The following SLC12A5 variants were observed in gnomAD, a reference collection of about 807,000 sequenced individuals.
SLC12A5 encodes K-Cl cotransporter 2.
Under a neutral mutation model 124.0 loss-of-function variants are expected in SLC12A5, and 18 were observed. That is an observed-to-expected ratio of 0.15 (90% CI 0.10 to 0.22). The LOEUF (loss-of-function observed/expected upper bound fraction) is 0.22, where lower values mean the gene tolerates loss of function less well. Among genes scored for constraint, SLC12A5 ranks in the 10% least tolerant of loss-of-function variants. SLC12A5 has a pLI of 1.00. For missense variants in SLC12A5, 867 were observed against 1,478.7 expected (o/e 0.59, Z 6.78); for synonymous variants, 589 against 568.0 (o/e 1.04, Z -0.53).
intron 1 of SLC12A5, among the ~76,000 whole-genome samples, chr20:46,031,870 T>G (rs2145478117): frequency 6.6e-6 from 1 of 152,294 alleles, no homozygotes; most frequent in South Asian, 2.1e-4. Flanking sequence ...CCCTTACTCC[T>G]TGGCTCCGGG....
upstream of SLC12A5, chr20:46,021,747 C>A (rs533037317): frequency 4.5e-4 from 689 of 1,534,386 alleles, 4 homozygotes; most frequent in South Asian, 7.7e-3. Context: ...GCCGCGGCCG[C>A]CTGGCTCCTT....
In SLC12A5 at chr20:46,040,564, G is replaced by T; in HGVS notation, c.804G>T (p.Leu268=). Reference sequence around the variant, plus strand: ...TGGGTTGTGTCATCCTCTCCATCCTGGCCATCTATGCTGGGGTCATCAAGT... The same window carrying T: ...TGGGTTGTGTCATCCTCTCCATCCTTGCCATCTATGCTGGGGTCATCAAGT... ...VFLGCVILSI[L]AIYAGVIKSA... is the part of the protein sequence containing the mutation. Residue 268 remains leucine, a synonymous_variant, in exon 7 of 26, where the codon CTG becomes CTT. Coordinates refer to ENST00000243964, the MANE Select transcript of SLC12A5 (RefSeq NM_020708.5). 6.2e-7 allele frequency: 1 copy of T among 1,614,120 alleles called. No homozygotes were observed. The highest frequency in any genetic ancestry group is 2.2e-5 in the East Asian group (1 of 44,864).
In SLC12A5 at chr20:46,056,362, C is replaced by T. The variant is rs2084693738; in HGVS notation, c.2911-3C>T. On this transcript the variant is annotated splice_region_variant and splice_polypyrimidine_tract_variant and intron_variant, in intron 22 of 25. Transcript: ENST00000243964. This position sits in a 1 kb window ranked among gnomAD's most constrained non-coding sequence, Gnocchi z 4.3. The stretch of plus-strand genomic sequence containing the variant: ...AACTGCCATCGCTTCATTCATCCCT[C>T]AGGTGCAGCTGATCCACGATCAGAG... 1.2e-6 allele frequency: 2 copies of T among 1,609,400 alleles called. No homozygotes were observed. Among genetic ancestry groups the T allele is most frequent in the Admixed American group, 3.3e-5 (2 of 59,742 alleles).
intron 9 of SLC12A5, 130 bp downstream of exon 9, chr20:46,043,453 T>C (rs1377794861): frequency 1.1e-5 from 14 of 1,296,506 alleles, no homozygotes; most frequent in African/African-American, 2.9e-5. Flanking sequence ...TCACTTCCCA[T>C]TGGAGAGATG....
At chr20:46,040,150 G>A (rs1050699722) in intron 6 of SLC12A5, among the ~76,000 whole-genome samples, 1 of 152,190 alleles carries the variant, frequency 6.6e-6, no homozygotes, top group African/African-American at 2.4e-5. Context: ...TCACAGGTGT[G>A]AGCCACCATG....
chr20:46,057,673 C>G lies in SLC12A5; in HGVS notation c.*68C>G, dbSNP rs1359686684. The G allele has an allele frequency of 2.5e-6, 3 of 1,218,434 alleles. No individual in the cohort carries two copies. Among genetic ancestry groups the G allele is most frequent in the Non-Finnish European group, 3.4e-6 (3 of 870,214 alleles). The allele number at this position is 1,218,434 out of a possible 1,614,324, so 75.5% of individuals were successfully genotyped here. On this transcript the variant is annotated 3_prime_UTR_variant, in exon 26 of 26. Coordinates refer to ENST00000243964, the MANE Select transcript of SLC12A5 (RefSeq NM_020708.5). The surrounding 1 kb of genome is among the most constrained non-coding windows in gnomAD (Gnocchi z 7.1). ...GGCTCCGGAGCCCTCGCCGCGCCCCCCGCCGCTGTCACCGTTTACATACAG... is the reference window on the plus strand; with the variant it reads ...GGCTCCGGAGCCCTCGCCGCGCCCCGCGCCGCTGTCACCGTTTACATACAG...
At position 46,059,221 on chromosome 20, in the gene SLC12A5, C is replaced by CGAG. The variant is rs1198613471; in HGVS notation, c.*1617_*1618insAGG. The CGAG allele has an allele frequency of 4.1e-6, 1 of 244,268 alleles. No homozygotes were observed. The highest frequency in any genetic ancestry group is 7.7e-6 in the Non-Finnish European group (1 of 129,056). 15.1% of individuals were successfully genotyped at this position (244,268 alleles called of 1,614,324 possible). On this transcript the variant is annotated 3_prime_UTR_variant, in exon 26 of 26. Transcript: ENST00000243964. ...CCTGCGCACCTAGCTTGACATCTCACGCACCTCCCAGAGCTGGCGCCACTG... is the reference window on the plus strand; with the variant it reads ...CCTGCGCACCTAGCTTGACATCTCACGAGGCACCTCCCAGAGCTGGCGCCACTG...
At chr20:46,025,339 C>T (rs2084388242), upstream of SLC12A5, among the ~76,000 whole-genome samples, 1 of 152,128 alleles carries the variant, frequency 6.6e-6, no homozygotes, top group South Asian at 2.1e-4. Context: ...CATCTCATCC[C>T]CAAGCCAGAA....
rs1455183939 is a variant in SLC12A5, at chr20:46,056,428, G to A, written c.2974G>A (p.Glu992Lys). The change falls in exon 23 of 26, where the codon GAG becomes AAG. Residue 992 changes from glutamate to lysine, a missense_variant. Transcript: ENST00000243964. The surrounding 1 kb of genome is among the most constrained non-coding windows in gnomAD (Gnocchi z 4.3). ...CAGCAGCTCCCCGTCCCCAGGGGAG[G>A]AGCCTGAGGGGGAAGGGGAGACAGA... ...CPSSSPSPGE[E>K]PEGEGETDPE... The A allele has an allele frequency of 5.0e-6, 8 of 1,613,926 alleles. No homozygotes were observed. The highest frequency in any genetic ancestry group is 6.8e-6 in the Non-Finnish European group (8 of 1,179,948).
chr20:46,037,199 C>G, intron 5 of SLC12A5, 56 bp from the exon 6 acceptor site: 1 of 1,546,556 alleles, frequency 6.5e-7, no homozygotes, highest in Non-Finnish European at 8.7e-7. Flanking sequence ...ACCCCTCACC[C>G]CTTACGGCAG....
intron 1 of SLC12A5, among the ~76,000 whole-genome samples, chr20:46,030,056 C>T (rs1254554480): frequency 6.6e-6 from 1 of 151,998 alleles, no homozygotes; most frequent in Non-Finnish European, 1.5e-5. Context: ...TCCCAAGGTC[C>T]GACCTCAGAC....
chr20:46,035,770 C>A lies in SLC12A5; in HGVS notation c.280-7C>A. The A allele has an allele frequency of 6.2e-7, 1 of 1,608,330 alleles. No homozygotes were observed. The highest frequency in any genetic ancestry group is 2.2e-5 in the East Asian group (1 of 44,796). Reference sequence around the variant, plus strand: ...ACTGCAGAGACTGATGCTGGCCTCCCTGGCAGGCCCCACGCATGGGCACCT... The same window carrying A: ...ACTGCAGAGACTGATGCTGGCCTCCATGGCAGGCCCCACGCATGGGCACCT... On this transcript the variant is annotated splice_region_variant and splice_polypyrimidine_tract_variant and intron_variant, in intron 3 of 25. Transcript: ENST00000243964.
chr20:46,022,926 G>C, intron 1 of SLC12A5: 1 of 403,280 alleles, frequency 2.5e-6, no homozygotes, highest in Non-Finnish European at 4.3e-6. Context: ...GAATCGGCTT[G>C]TAGTGGCCCC....
chr20:46,040,399 C>T lies in SLC12A5; in HGVS notation c.639C>T (p.Ile213=). 1 of 1,614,206 alleles carries T rather than the reference C, an allele frequency of 6.2e-7. No homozygotes were observed. Among genetic ancestry groups the T allele is most frequent in the South Asian group, 1.1e-5 (1 of 91,090 alleles). The change falls in exon 7 of 26, where the codon ATC becomes ATT. Residue 213 remains isoleucine, a synonymous_variant. Coordinates refer to ENST00000243964, the MANE Select transcript of SLC12A5 (RefSeq NM_020708.5). ...LLAYLFPAMA[I]FKAEDASGEA... is the part of the protein sequence containing the mutation. ...CTTACCTCTTCCCAGCCATGGCCAT[C>T]TTCAAGGCAGAAGATGCCAGTGGGG...
chr20:46,031,280 T>A (rs1357043198), intron 1 of SLC12A5, among the ~76,000 whole-genome samples: 1 of 152,112 alleles, frequency 6.6e-6, no homozygotes, highest in African/African-American at 2.4e-5. Context: ...AGACACTGAG[T>A]GCAGCGGACC....
rs2084722171 is a variant in SLC12A5, at chr20:46,058,800, G to C, written c.*1195G>C. ...CCACTGAGAGGCCCCAGAGCCGCCC[G>C]TGATGTTCCTCCCCCGTCCCCATCT... On this transcript the variant is annotated 3_prime_UTR_variant, in exon 26 of 26. Transcript: ENST00000243964. The surrounding 1 kb of genome is among the most constrained non-coding windows in gnomAD (Gnocchi z 5.8). 2.5e-6 allele frequency: 1 copy of C among 398,086 alleles called. No homozygotes were observed. The highest frequency in any genetic ancestry group is 4.4e-6 in the Non-Finnish European group (1 of 226,082). 24.7% of individuals were successfully genotyped at this position (398,086 alleles called of 1,614,324 possible).
At position 46,035,470 on chromosome 20, in the gene SLC12A5, C is replaced by T; in HGVS notation, c.214C>T (p.Pro72Ser). 6.2e-7 allele frequency: 1 copy of T among 1,613,900 alleles called. No homozygotes were observed. Among genetic ancestry groups the T allele is most frequent in the East Asian group, 2.2e-5 (1 of 44,866 alleles). The change falls in exon 3 of 26, where the codon CCC becomes TCC. Residue 72 changes from proline (P) to serine (S), a missense_variant. Pro to Ser is a moderately conservative substitution (Grantham distance 74). Around this residue, in one of 9 missense-constraint regions of SLC12A5, gnomAD observed 126 missense variants for 291.6 expected, o/e 0.43. Coordinates refer to ENST00000243964, the MANE Select transcript of SLC12A5 (RefSeq NM_020708.5). Reference sequence around the variant, plus strand: ...TGGCCTGGCCAACTACACCAACCTGCCCCAGGGAAGTAGGGAGCATGAAGA... The same window carrying T: ...TGGCCTGGCCAACTACACCAACCTGTCCCAGGGAAGTAGGGAGCATGAAGA... ...LSGLANYTNL[P>S]QGSREHEEAE...
intron 1 of SLC12A5, among the ~76,000 whole-genome samples, chr20:46,032,154 G>A (rs1482637379): frequency 1.3e-5 from 2 of 152,214 alleles, no homozygotes; most frequent in Admixed American, 1.3e-4. Context: ...TACATAAGCG[G>A]CTGCGGGCGC....
Position 46,045,871 on chromosome 20 carries a change from TC to T in SLC12A5, c.1570-3del. ...TCTCAGTCCCATGATGATTGCTCTT[TC>T]CCCAGGTCTTTGGCCATGGCAAGGC... On this transcript the variant is annotated splice_region_variant and splice_polypyrimidine_tract_variant and intron_variant, in intron 12 of 25. Transcript: ENST00000243964. The surrounding 1 kb of genome is among the most constrained non-coding windows in gnomAD (Gnocchi z 4.9). The T allele has an allele frequency of 6.2e-7, 1 of 1,613,278 alleles. No individual in the cohort carries two copies. The highest frequency in any genetic ancestry group is 1.3e-5 in the African/African-American group (1 of 75,010).
Sources: gnomAD v4.1 joint callset for allele counts (sites outside exome capture counted in the v4.1 genomes callset) on GRCh38, gnomAD v4.1.1 for gene constraint, gnomAD v4.1.1 regional missense constraint, Gnocchi (gnomAD v3.1) non-coding constraint, MANE v1.5 for transcripts, NCBI Gene and HGNC (gene_info 2026-07-23, HGNC 2026-07-21) for gene names.